The following NME7 variants were observed in gnomAD, a reference collection of about 807,000 sequenced individuals.
NME7 encodes NME/NM23 family member 7, also known as nucleoside diphosphate kinase 7.
NME7 carries 41 observed loss-of-function variants against 49.1 expected under a neutral mutation model. The observed-to-expected ratio is 0.83, with a 90% CI of 0.65 to 1.08. NME7 has a LOEUF of 1.08. Among genes scored for constraint, NME7 ranks in the 50% least tolerant of loss-of-function variants. NME7 has a pLI of 0.00. For missense variants in NME7, 423 were observed against 463.4 expected (o/e 0.91, Z 0.80); for synonymous variants, 139 against 150.6 (o/e 0.92, Z 0.56).
At position 169,289,550 on chromosome 1, in the gene NME7, T is replaced by G. The variant is rs540464997; in HGVS notation, c.649-2142A>C. 8.9e-4 allele frequency among the ~76,000 whole-genome samples: 136 copies of G among 151,970 alleles called. 1 individual carries two copies. The highest frequency in any genetic ancestry group is 3.2e-3 in the African/African-American group (133 of 41,296). On this transcript the variant is annotated intron_variant, in intron 6 of 11. Transcript: ENST00000367811. Reference sequence around the variant, plus strand: ...CAAGTGACTGTAGCTCCAAAAACCATGTACTTTTTCTATTATCTGTCTTTC... The same window carrying G: ...CAAGTGACTGTAGCTCCAAAAACCAGGTACTTTTTCTATTATCTGTCTTTC...
At chr1:169,300,046 T>C (rs2101908506) in intron 5 of NME7, among the ~76,000 whole-genome samples, 1 of 152,276 alleles carries the variant, frequency 6.6e-6, no homozygotes, top group South Asian at 2.1e-4. Context: ...CCTATGAATA[T>C]GGCATGTAAC....
chr1:169,285,163 A>AAT (rs1262231796), intron 7 of NME7: 1 of 152,086 alleles, frequency 6.6e-6, no homozygotes, highest in Non-Finnish European at 1.5e-5. Flanking sequence ...TTGATTTTGA[A>AAT]ATATCTGTAG....
At chr1:169,160,049 T>C (rs1324131524) in intron 11 of NME7, among the ~76,000 whole-genome samples, 1 of 152,188 alleles carries the variant, frequency 6.6e-6, no homozygotes, top group Non-Finnish European at 1.5e-5. Context: ...CCTCCTTCCA[T>C]GGCCACACCC....
At position 169,251,074 on chromosome 1, in the gene NME7, T is replaced by C. The variant is rs533580765; in HGVS notation, c.755-13387A>G. 2.6e-5 allele frequency among the ~76,000 whole-genome samples: 4 copies of C among 152,224 alleles called. No individual in the cohort carries two copies. In the South Asian group the frequency reaches 6.2e-4, roughly 24 times the overall value. On this transcript the variant is annotated intron_variant, in intron 7 of 11. Coordinates refer to ENST00000367811, the MANE Select transcript of NME7 (RefSeq NM_013330.5). ...TCTGTCTAGTGTTGTCGGTGGACTGTTGCAGTCTCATACTATTATTATTTC... is the reference window on the plus strand; with the variant it reads ...TCTGTCTAGTGTTGTCGGTGGACTGCTGCAGTCTCATACTATTATTATTTC...
chr1:169,212,038 G>A (rs1028362381), intron 10 of NME7, among the ~76,000 whole-genome samples: 2 of 151,998 alleles, frequency 1.3e-5, no homozygotes, highest in South Asian at 2.1e-4. Flanking sequence ...TTTGGGGATT[G>A]AGCATTATTT....
intron 1 of NME7, among the ~76,000 whole-genome samples, chr1:169,366,693 G>C (rs943302700): frequency 1.3e-5 from 2 of 152,300 alleles, no homozygotes; most frequent in South Asian, 2.1e-4. Flanking sequence ...TGTGTAGGTT[G>C]GGGGCATGAG....
chr1:169,294,555 T>C (rs759998581), intron 6 of NME7, among the ~76,000 whole-genome samples: 23 of 152,256 alleles, frequency 1.5e-4, no homozygotes, highest in Non-Finnish European at 2.5e-4. Context: ...GGGGCTGTGA[T>C]GTTTTTCAAT....
In NME7 at chr1:169,270,228, T is replaced by C. The variant is rs1245743406; in HGVS notation, c.754+17075A>G. 3.0e-5 allele frequency among the ~76,000 whole-genome samples: 4 copies of C among 134,808 alleles called. 1 individual carries two copies. Among genetic ancestry groups the C allele is most frequent in the Non-Finnish European group, 7.0e-5 (4 of 57,336 alleles). 88.4% of individuals were successfully genotyped at this position (134,808 alleles called of 152,430 possible). A position where few individuals can be genotyped will look rare whatever the true frequency, so the allele number is the denominator to read the frequency against. On this transcript the variant is annotated intron_variant, in intron 7 of 11. Coordinates refer to ENST00000367811, the MANE Select transcript of NME7 (RefSeq NM_013330.5). Reference sequence around the variant, plus strand: ...TTATAAACAATGCAGTAAAATTGTTTAATGCATAAATCTGTTATAAGGAAA... The same window carrying C: ...TTATAAACAATGCAGTAAAATTGTTCAATGCATAAATCTGTTATAAGGAAA...
At chr1:169,215,154 C>A (rs1660941028) in intron 10 of NME7, among the ~76,000 whole-genome samples, 1 of 152,086 alleles carries the variant, frequency 6.6e-6, no homozygotes, top group Non-Finnish European at 1.5e-5. Flanking sequence ...AGATCTCTCC[C>A]CTGAAGTCAG....
intron 7 of NME7, among the ~76,000 whole-genome samples, chr1:169,283,587 T>C (rs544992480): frequency 1.3e-5 from 2 of 152,274 alleles, no homozygotes; most frequent in South Asian, 2.1e-4. Flanking sequence ...CTGGTACTGG[T>C]TGTTCCTTTT....
At chr1:169,330,444 T>C (rs1045890673) in intron 1 of NME7, among the ~76,000 whole-genome samples, 6 of 151,738 alleles carry the variant, frequency 4.0e-5, no homozygotes, top group Admixed American at 1.3e-4. Context: ...CTTTGGGAGG[T>C]TGAGGCAAAA....
intron 10 of NME7, among the ~76,000 whole-genome samples, chr1:169,228,191 G>A (rs1483378307): frequency 2.0e-5 from 3 of 152,010 alleles, no homozygotes; most frequent in African/African-American, 7.2e-5. Context: ...TTACAGGTGT[G>A]TGCTACCATG....
Position 169,282,261 on chromosome 1 carries a change from G to A in NME7, c.754+5042C>T, listed in dbSNP as rs138186756. On this transcript the variant is annotated intron_variant, in intron 7 of 11. Transcript: ENST00000367811. ...AGAGGTGTTTAAAATATTCTCTGAC[G>A]GTAGTTTGTGTTTCTACAGGATCAG... Among the ~76,000 whole-genome samples, 517 of 152,162 alleles carry A rather than the reference G, an allele frequency of 3.4e-3. 3 individuals are homozygous for A. Among genetic ancestry groups the A allele is most frequent in the African/African-American group, 0.012 (480 of 41,512 alleles).
rs147111623 is a variant in NME7 at position 169,356,005 on chromosome 1, G to A, written c.3+11703C>T. Among the ~76,000 whole-genome samples the A allele has an allele frequency of 1.4e-3, 211 of 152,222 alleles. 2 individuals are homozygous for A. Among genetic ancestry groups the A allele is most frequent in the African/African-American group, 4.8e-3 (200 of 41,552 alleles). ...CCATAATTCTAGATTTTTCTCTAGA[G>A]GTGAACAGCCCTTGATCAAAACTGT... On this transcript the variant is annotated intron_variant, in intron 1 of 11. Transcript: ENST00000367811.
chr1:169,320,785 T>C (rs1263021167), intron 3 of NME7, among the ~76,000 whole-genome samples: 1 of 152,220 alleles, frequency 6.6e-6, no homozygotes, highest in South Asian at 2.1e-4. Flanking sequence ...TCATTAACTA[T>C]ATAAAGCCCA....
intron 10 of NME7, among the ~76,000 whole-genome samples, chr1:169,216,440 C>T (rs181395236): frequency 7.2e-4 from 110 of 152,324 alleles, no homozygotes; most frequent in Non-Finnish European, 1.1e-3. Context: ...ATGAAAGTCC[C>T]TAAAGGGTGG....
chr1:169,182,164 C>G (rs1659946296), intron 10 of NME7, among the ~76,000 whole-genome samples: 1 of 97,120 alleles, frequency 1.0e-5, no homozygotes, highest in Non-Finnish European at 2.1e-5. Context: ...GCCACCACAA[C>G]TAGCTAATTT....
intron 11 of NME7, among the ~76,000 whole-genome samples, chr1:169,145,293 A>G (rs1181866406): frequency 6.6e-6 from 1 of 152,220 alleles, no homozygotes; most frequent in Non-Finnish European, 1.5e-5. Flanking sequence ...ACCAGTATTT[A>G]TCATTAGAAG....
intron 11 of NME7, among the ~76,000 whole-genome samples, chr1:169,142,555 C>T (rs1010910510): frequency 9.2e-5 from 14 of 152,126 alleles, no homozygotes; most frequent in Admixed American, 3.3e-4. Flanking sequence ...CATTATACTG[C>T]TTACAAAGGA....
Sources: gnomAD v4.1 joint callset for allele counts (sites outside exome capture counted in the v4.1 genomes callset) on GRCh38, gnomAD v4.1.1 for gene constraint, MANE v1.5 for transcripts, NCBI Gene and HGNC (gene_info 2026-07-23, HGNC 2026-07-21) for gene names.